The following MED12L variants were observed in gnomAD, a reference collection of about 807,000 sequenced individuals.
The protein encoded by MED12L is mediator complex subunit 12L.
In MED12L, 60 loss-of-function variants were observed where a neutral mutation model predicts 281.3. That is an observed-to-expected ratio of 0.21 (90% CI 0.17 to 0.26). The LOEUF (loss-of-function observed/expected upper bound fraction) is 0.26, where lower values mean the gene tolerates loss of function less well. Ranked by LOEUF, MED12L falls within the 10% of genes least tolerant of loss-of-function variation. MED12L has a pLI of 1.00. For missense variants in MED12L, 2,146 were observed against 2,680.9 expected (o/e 0.80, Z 4.41); for synonymous variants, 974 against 987.2 (o/e 0.99, Z 0.25).
At chr3:151,180,356 T>A (rs1015186111) in intron 11 of MED12L, among the ~76,000 whole-genome samples, 1 of 152,230 alleles carries the variant, frequency 6.6e-6, no homozygotes, top group Non-Finnish European at 1.5e-5. Flanking sequence ...GGTGGAAGGC[T>A]AGACTTACTT....
intron 43 of MED12L, among the ~76,000 whole-genome samples, chr3:151,423,269 TCGTTGA>T (rs1718487575): frequency 6.6e-6 from 1 of 152,022 alleles, no homozygotes; most frequent in Non-Finnish European, 1.5e-5. Context: ...ATCTCTTTGC[TCGTTGA>T]CGTCATCAGC....
chr3:151,190,528 A>G (rs183178788), intron 13 of MED12L, among the ~76,000 whole-genome samples, 189 bp from the exon 14 acceptor site: 2 of 152,298 alleles, frequency 1.3e-5, no homozygotes, highest in East Asian at 1.9e-4. Context: ...TTTTTCAGTT[A>G]TGGTGGGACA....
At chr3:151,408,982 G>A (rs973223270) in intron 39 of MED12L, among the ~76,000 whole-genome samples, 7 of 152,206 alleles carry the variant, frequency 4.6e-5, no homozygotes, top group Non-Finnish European at 8.8e-5. Context: ...CCTCTCTGCT[G>A]AGCAGACCAT....
In MED12L at chr3:151,190,920, G is replaced by T; in HGVS notation, c.1957G>T (p.Val653Leu). The T allele has an allele frequency of 6.2e-7, 1 of 1,614,134 alleles. No individual in the cohort carries two copies. Among genetic ancestry groups the T allele is most frequent in the Non-Finnish European group, 8.5e-7 (1 of 1,180,000 alleles). Residue 653 changes from valine to leucine, a missense_variant, in exon 14 of 45, where the codon GTG (valine) becomes TTG (leucine). By Grantham distance (32) the Val-to-Leu change is conservative. This residue lies in a region of MED12L where 722 missense variants were observed against 861.2 expected (regional missense o/e 0.84). Transcript: ENST00000687756. Reference sequence around the variant, plus strand: ...TGAACACTATTCAAAGGACCATGATGTGAAAATGGAGGTATGGCCCTGGAT... The same window carrying T: ...TGAACACTATTCAAAGGACCATGATTTGAAAATGGAGGTATGGCCCTGGAT... The part of the protein sequence containing the change: ...ADEHYSKDHD[V>L]KMEEQSIMAH...
At chr3:151,295,830 G>T (rs1745015361) in intron 16 of MED12L, among the ~76,000 whole-genome samples, 1 of 152,158 alleles carries the variant, frequency 6.6e-6, no homozygotes, top group Admixed American at 6.5e-5. Context: ...AAAATCTACT[G>T]TCTTCTAAAG....
At chr3:151,147,123 A>T (rs974535943) in intron 5 of MED12L, among the ~76,000 whole-genome samples, 2 of 152,164 alleles carry the variant, frequency 1.3e-5, no homozygotes, top group Admixed American at 1.3e-4. Context: ...AGAAGTATAT[A>T]ATAACACCCA....
intron 5 of MED12L, among the ~76,000 whole-genome samples, chr3:151,151,182 C>T (rs370227529): frequency 6.6e-5 from 10 of 151,434 alleles, no homozygotes; most frequent in African/African-American, 1.7e-4. Flanking sequence ...GGACTACAGG[C>T]GCCCGCCACC....
rs755450182 is a variant in MED12L, at chr3:151,127,982, T to C, written c.554T>C (p.Leu185Ser). The change falls in exon 5 of 45, where the codon TTG (leucine) becomes TCG (serine). Residue 185 changes from leucine to serine, a missense_variant and splice_region_variant. Leu to Ser is a moderately radical substitution (Grantham distance 145). This residue lies in a region of MED12L where 722 missense variants were observed against 861.2 expected (regional missense o/e 0.84). Coordinates refer to ENST00000687756, the MANE Select transcript of MED12L (RefSeq NM_001393769.1). Reference sequence around the variant, plus strand: ...AAACGTCAGGCTCCTGATCCGAATTTGGGTAAGTGAGAGAATACAATACAC... The same window carrying C: ...AAACGTCAGGCTCCTGATCCGAATTCGGGTAAGTGAGAGAATACAATACAC... ...IKKRQAPDPN[L>S]EWTQISTRYL... 2 of 1,610,930 alleles carry C rather than the reference T, an allele frequency of 1.2e-6. No individual in the cohort carries two copies. The highest frequency in any genetic ancestry group is 4.5e-5 in the East Asian group (2 of 44,872).
intron 16 of MED12L, among the ~76,000 whole-genome samples, chr3:151,342,040 G>A (rs1028223809): frequency 1.4e-4 from 22 of 152,214 alleles, no homozygotes; most frequent in South Asian, 6.2e-4. Context: ...ATAAACATAC[G>A]TGTGCATGTG....
chr3:151,352,941 T>C (rs899570636), intron 17 of MED12L, among the ~76,000 whole-genome samples: 1 of 152,120 alleles, frequency 6.6e-6, no homozygotes, highest in Non-Finnish European at 1.5e-5. Context: ...TGAGGAAAAA[T>C]ATATATTGAC....
chr3:151,347,699 G>A (rs1457835278), intron 16 of MED12L, among the ~76,000 whole-genome samples: 1 of 152,272 alleles, frequency 6.6e-6, no homozygotes, highest in Admixed American at 6.5e-5. Context: ...GATGTGCAGA[G>A]GAGGAGGGGA....
intron 16 of MED12L, chr3:151,212,708 T>G (rs1727376215): frequency 6.6e-6 from 1 of 152,122 alleles, no homozygotes; most frequent in African/African-American, 2.4e-5. Flanking sequence ...AGTATACAAT[T>G]AATATTCCTC....
At chr3:151,158,551 T>G (rs1246162789) in intron 6 of MED12L, 138 bp from the exon 7 acceptor site, 2 of 571,344 alleles carry the variant, frequency 3.5e-6, no homozygotes, top group Non-Finnish European at 3.1e-6. Flanking sequence ...TTGTTTAGAA[T>G]TTGGACTGTG....
chr3:151,368,417 C>T (rs1406916956), intron 25 of MED12L, among the ~76,000 whole-genome samples, 166 bp downstream of exon 25: 1 of 151,996 alleles, frequency 6.6e-6, no homozygotes, highest in Non-Finnish European at 1.5e-5. Context: ...GCTGTCAGCA[C>T]CTTTTATCTG....
At chr3:151,320,314 G>A (rs6805923) in intron 16 of MED12L, among the ~76,000 whole-genome samples, 10,189 of 152,162 alleles carry the variant, frequency 0.067, 1,146 homozygotes, top group African/African-American at 0.23. Flanking sequence ...AGACAAGCAG[G>A]GATCTAATTG....
At chr3:151,419,365 G>A (rs4680419) in intron 43 of MED12L, among the ~76,000 whole-genome samples, 75,129 of 151,980 alleles carry the variant, frequency 0.49, 19,107 homozygotes, top group Middle Eastern at 0.6. Flanking sequence ...TTGGGAGTCC[G>A]GTGTTTGAGG....
At chr3:151,391,612 G>A (rs565760768) in intron 38 of MED12L, among the ~76,000 whole-genome samples, 29 of 152,208 alleles carry the variant, frequency 1.9e-4, no homozygotes, top group African/African-American at 6.5e-4. Context: ...AAAAAAACTC[G>A]TAATGTTTTA....
At chr3:151,294,195 T>C (rs758515301) in intron 16 of MED12L, 2 of 1,606,844 alleles carry the variant, frequency 1.2e-6, no homozygotes, top group Admixed American at 1.7e-5. Flanking sequence ...TCATAATATA[T>C]GCGAACTTCC....
chr3:151,364,591 T>C (rs761323275), intron 21 of MED12L, among the ~76,000 whole-genome samples: 4 of 152,218 alleles, frequency 2.6e-5, no homozygotes, highest in South Asian at 2.1e-4. Flanking sequence ...AGTACTCTTA[T>C]GTGTAATTGA....
Sources: allele counts gnomAD v4.1 joint callset (sites outside exome capture counted in the v4.1 genomes callset), GRCh38; gene constraint gnomAD v4.1.1; regional missense constraint gnomAD v4.1.1; transcripts MANE v1.5; gene names NCBI Gene and HGNC (gene_info 2026-07-23, HGNC 2026-07-21).